Variants in TMC8 observed in about 807,000 individuals in gnomAD.
TMC8 encodes the protein transmembrane channel-like protein 8.
A neutral mutation model predicts 76.0 loss-of-function variants in TMC8; 71 were observed. That is an observed-to-expected ratio of 0.93 (90% CI 0.77 to 1.14). The LOEUF is 1.14. Ranked by LOEUF, TMC8 falls within the 50% of genes most tolerant of loss-of-function variation. TMC8 has a pLI of 0.00. For missense variants in TMC8, 924 were observed against 947.9 expected, an observed-to-expected ratio of 0.97 and a Z score of 0.33; for synonymous variants, 433 against 433.8, an observed-to-expected ratio of 1.00 and a Z score of 0.02.
chr17:78,138,438 C>A lies in TMC8; in HGVS notation c.1623C>A (p.Gly541=). The A allele has an allele frequency of 1.9e-6, 3 of 1,613,226 alleles. No homozygotes were observed. Among genetic ancestry groups the A allele is most frequent in the Non-Finnish European group, 2.5e-6 (3 of 1,180,008 alleles). The change falls in exon 13 of 16, where the codon GGC becomes GGA. Residue 541 remains glycine, a synonymous_variant. Transcript: ENST00000318430. ...TCTTCCAGCTAGTGCTCCTCCTGGG[C>A]CTGCTTCTGGCTGCAGTGCCCCTGG... ...TFFFQLVLLL[G]LLLAAVPLGY... is the part of the protein sequence containing the mutation.
In TMC8 at chr17:78,141,271, C is replaced by T; in HGVS notation, c.*159C>T. ...ACAACCCCAGCGGCAGCAGGAAAAA[C>T]ATATGGGAATTTTCTTTCTATATTT... On this transcript the variant is annotated 3_prime_UTR_variant, in exon 16 of 16. Transcript: ENST00000318430. 1 of 412,888 alleles carries T rather than the reference C, an allele frequency of 2.4e-6. No individual in the cohort carries two copies. Among genetic ancestry groups the T allele is most frequent in the Non-Finnish European group, 4.3e-6 (1 of 234,300 alleles). 25.6% of individuals were successfully genotyped at this position (412,888 alleles called of 1,614,324 possible).
At chr17:78,136,179 G>T (rs368910715) in intron 9 of TMC8, among the ~76,000 whole-genome samples, 1 of 152,136 alleles carries the variant, frequency 6.6e-6, no homozygotes, top group Non-Finnish European at 1.5e-5. Flanking sequence ...GAGATAACAC[G>T]CAACCAGGCA....
rs1411717731 is a variant in TMC8, at chr17:78,142,827, A to G, written c.*1715A>G. ...ACCATACTGAGAAACAACCACGTGCATCACCAAGCGCTGTGAAGAAGGCAA... is the reference window on the plus strand; with the variant it reads ...ACCATACTGAGAAACAACCACGTGCGTCACCAAGCGCTGTGAAGAAGGCAA... On this transcript the variant is annotated 3_prime_UTR_variant, in exon 16 of 16. Coordinates refer to ENST00000318430, the MANE Select transcript of TMC8 (RefSeq NM_152468.5). The G allele has an allele frequency of 6.6e-6, 1 of 152,220 alleles. No homozygotes were observed. The highest frequency in any genetic ancestry group is 2.4e-5 in the African/African-American group (1 of 41,432). 9.4% of individuals were successfully genotyped at this position (152,220 alleles called of 1,614,324 possible). A position where few individuals can be genotyped will look rare whatever the true frequency, so the allele number is the denominator to read the frequency against.
In TMC8 at chr17:78,131,448, G is replaced by A. The variant is rs1004184285; in HGVS notation, c.-141G>A. ...CTGCAGGAGCCCAGGCCCCGACGCC[G>A]GCGCAGAGGGGACGGAAGGGCCCGC... On this transcript the variant is annotated 5_prime_UTR_variant, in exon 2 of 16. Coordinates refer to ENST00000318430, the MANE Select transcript of TMC8 (RefSeq NM_152468.5). The A allele has an allele frequency of 1.3e-5, 16 of 1,242,030 alleles. No individual in the cohort carries two copies. Among genetic ancestry groups the A allele is most frequent in the Non-Finnish European group, 1.6e-5 (14 of 888,218 alleles). 76.9% of individuals were successfully genotyped at this position (1,242,030 alleles called of 1,614,324 possible). A position where few individuals can be genotyped will look rare whatever the true frequency, so the allele number is the denominator to read the frequency against.
In TMC8 at chr17:78,137,731, C is replaced by G; in HGVS notation, c.1266C>G (p.Ser422=). The part of the protein sequence containing the change: ...NVCDYQCWEN[S]VGEELYKLSI... ...CTGCACCCCAGTGCTGGGAGAACTC[C>G]GTGGGGGAGGAGCTGTACAAGCTGA... Residue 422 remains serine (S), a synonymous_variant, in exon 11 of 16, where the codon TCC becomes TCG. Transcript: ENST00000318430. 1 of 1,613,518 alleles carries G rather than the reference C, an allele frequency of 6.2e-7. No individual in the cohort carries two copies. Among genetic ancestry groups the G allele is most frequent in the Non-Finnish European group, 8.5e-7 (1 of 1,179,992 alleles).
chr17:78,140,689 G>T (rs983429209), intron 15 of TMC8, 145 bp from the exon 16 acceptor site: 4 of 1,130,130 alleles, frequency 3.5e-6, no homozygotes, highest in Non-Finnish European at 3.8e-6. Context: ...GGCCTCGAGC[G>T]GGGCGTGGCC....
rs2075181392 is a variant in TMC8 at position 78,134,900 on chromosome 17, C to A, written c.1018C>A (p.Pro340Thr). ...CCTGTTTCTGCTGCTCCAGTACCTGCCCCCTGGGGTCATCGCCCTGGTCAA... is the reference window on the plus strand; with the variant it reads ...CCTGTTTCTGCTGCTCCAGTACCTGACCCCTGGGGTCATCGCCCTGGTCAA... ...ESLFLLLQYLPPGVIALVNFL... is the reference protein window; with the variant it reads ...ESLFLLLQYLTPGVIALVNFL... Residue 340 changes from proline (P) to threonine (T), a missense_variant, in exon 9 of 16, where the codon CCC becomes ACC. By Grantham distance (38) the Pro-to-Thr change is conservative (BLOSUM62 -1). Coordinates refer to ENST00000318430, the MANE Select transcript of TMC8 (RefSeq NM_152468.5). 6.2e-7 allele frequency: 1 copy of A among 1,614,060 alleles called. No homozygotes were observed. The highest frequency in any genetic ancestry group is 1.6e-4 in the Middle Eastern group (1 of 6,062).
chr17:78,138,904 G>T (rs1310512905), intron 14 of TMC8, 172 bp downstream of exon 14: 2 of 1,536,536 alleles, frequency 1.3e-6, no homozygotes, highest in Non-Finnish European at 1.7e-6. Flanking sequence ...GGGCTGCCAT[G>T]GGGATTGCAG....
chr17:78,131,632 TGCCGGA>T lies in TMC8; in HGVS notation c.52_57del (p.Pro18_Glu19del). ...GTGTCATCGGAGCGGGCCCCTGGGG[TGCCGGA>T]GCCGGAGGAGCTGTGGGAGGCAGAG... is the stretch of plus-strand genomic sequence containing the variant. On this transcript the variant is annotated inframe_deletion, in exon 2 of 16. Coordinates refer to ENST00000318430, the MANE Select transcript of TMC8 (RefSeq NM_152468.5). 1 of 1,553,842 alleles carries T rather than the reference TGCCGGA, an allele frequency of 6.4e-7. No individual in the cohort carries two copies. Among genetic ancestry groups the T allele is most frequent in the Non-Finnish European group, 8.7e-7 (1 of 1,150,038 alleles).
At position 78,138,578 on chromosome 17, in the gene TMC8, C is replaced by T; in HGVS notation, c.1669C>T (p.His557Tyr). Residue 557 changes from histidine (H) to tyrosine (Y), a missense_variant, in exon 14 of 16, where the codon CAC becomes TAC. By Grantham distance (83) the His-to-Tyr change is moderately conservative. Coordinates refer to ENST00000318430, the MANE Select transcript of TMC8 (RefSeq NM_152468.5). ...VPLGYVVSSI[H>Y]SSWDCGLFTN... The stretch of plus-strand genomic sequence containing the variant: ...CACTTGGCCATCTCTCGCCAGCATC[C>T]ACTCCTCCTGGGACTGCGGCCTCTT... 1 of 1,613,910 alleles carries T rather than the reference C, an allele frequency of 6.2e-7. No individual in the cohort carries two copies. Among genetic ancestry groups the T allele is most frequent in the East Asian group, 2.2e-5 (1 of 44,876 alleles).
chr17:78,133,354 T>G, intron 5 of TMC8, 52 bp from the exon 6 acceptor site: 1 of 1,613,060 alleles, frequency 6.2e-7, no homozygotes. Flanking sequence ...GGAAAGCACT[T>G]GAGCAGAGCC....
intron 11 of TMC8, 65 bp from the exon 12 acceptor site, chr17:78,137,940 C>T (rs1336445346): frequency 1.2e-6 from 2 of 1,606,570 alleles, no homozygotes; most frequent in African/African-American, 1.3e-5. Context: ...AGGCTGTGGC[C>T]ATGACCAATA....
chr17:78,134,789 C>T (rs2075176764), intron 8 of TMC8, 81 bp from the exon 9 acceptor site: 1 of 1,599,840 alleles, frequency 6.3e-7, no homozygotes, highest in Admixed American at 1.7e-5. Context: ...CCCAGAGTTA[C>T]ACTTTAGGGC....
At chr17:78,134,752 T>C (rs2075175799) in intron 8 of TMC8, 118 bp from the exon 9 acceptor site, 2 of 1,561,440 alleles carry the variant, frequency 1.3e-6, no homozygotes, top group African/African-American at 2.7e-5. Flanking sequence ...AGGGAATAGC[T>C]TACAGGCGAC....
rs201607836 is a variant in TMC8 at position 78,138,404 on chromosome 17, C to T, written c.1589C>T (p.Ser530Phe). 4.8e-5 allele frequency: 78 copies of T among 1,612,624 alleles called. No individual in the cohort carries two copies. The highest frequency in any genetic ancestry group is 6.5e-5 in the Non-Finnish European group (77 of 1,180,002). ...ASSRPFRASS[S>F]TFFFQLVLLL... Reference sequence around the variant, plus strand: ...TCGCGGCCCTTCCGTGCCTCCAGCTCCACCTTCTTCTTCCAGCTAGTGCTC... The same window carrying T: ...TCGCGGCCCTTCCGTGCCTCCAGCTTCACCTTCTTCTTCCAGCTAGTGCTC... The change falls in exon 13 of 16, where the codon TCC becomes TTC. Residue 530 changes from serine to phenylalanine, a missense_variant. By Grantham distance (155) the Ser-to-Phe change is radical. Transcript: ENST00000318430.
chr17:78,138,755 T>C, intron 14 of TMC8, 23 bp downstream of exon 14: 1 of 1,601,988 alleles, frequency 6.2e-7, no homozygotes, highest in Non-Finnish European at 8.5e-7. Context: ...GCCGGGGCCA[T>C]GGGAGGGGAC....
chr17:78,133,931 A>T lies in TMC8; in HGVS notation c.747A>T (p.Ser249=). The change falls in exon 7 of 16, where the codon TCA becomes TCT. Residue 249 remains serine (S), a synonymous_variant. Coordinates refer to ENST00000318430, the MANE Select transcript of TMC8 (RefSeq NM_152468.5). ...CTCTCAGCGCCAAGGTCTTCTCCTC[A>T]TGGGACTTCTGCATCCGGGTGCAGG... The part of the protein sequence containing the change: ...QAPLSAKVFS[S]WDFCIRVQEA... The T allele has an allele frequency of 2.5e-6, 4 of 1,613,664 alleles. No individual in the cohort carries two copies. Among genetic ancestry groups the T allele is most frequent in the Non-Finnish European group, 3.4e-6 (4 of 1,180,040 alleles).
At chr17:78,134,279 G>GTGAC in intron 7 of TMC8, 115 bp from the exon 8 acceptor site, 1 of 1,290,710 alleles carries the variant, frequency 7.7e-7, no homozygotes, top group South Asian at 1.2e-5. Flanking sequence ...GTGAGAGTTT[G>GTGAC]TGACTGTGTA....
At chr17:78,136,658 C>G (rs1430319004) in intron 9 of TMC8, 1 of 178,692 alleles carries the variant, frequency 5.6e-6, no homozygotes, top group Non-Finnish European at 1.2e-5. Flanking sequence ...CAGTCAGGAT[C>G]CTGAAAAGGC....
Sources: gnomAD v4.1 joint callset for allele counts (sites outside exome capture counted in the v4.1 genomes callset) on GRCh38, gnomAD v4.1.1 for gene constraint, MANE v1.5 for transcripts, NCBI Gene and HGNC (gene_info 2026-07-23, HGNC 2026-07-21) for gene names.